The following ZFAT variants were observed in gnomAD, a reference collection of about 807,000 sequenced individuals.
ZFAT encodes the protein zinc finger and AT-hook domain containing.
In ZFAT, 64 loss-of-function variants were observed where a neutral mutation model predicts 117.7. The ratio of observed to expected loss-of-function variants is 0.54; its 90% CI spans 0.44 to 0.67. ZFAT has a LOEUF of 0.67. ZFAT is among the 30% of genes least tolerant of loss of function. ZFAT has a pLI of 0.00. For synonymous variants in ZFAT, 679 were observed against 615.0 expected, an observed-to-expected ratio of 1.10 and a Z score of -1.54; for missense variants, 1,433 against 1,584.5, an observed-to-expected ratio of 0.90 and a Z score of 1.62.
intron 3 of ZFAT, among the ~76,000 whole-genome samples, chr8:134,628,205 G>A (rs1262154873): frequency 6.6e-6 from 1 of 152,204 alleles, no homozygotes; most frequent in Non-Finnish European, 1.5e-5. Context: ...TTCTGCATAT[G>A]CCAGGATCAT....
chr8:134,602,065 G>T lies in ZFAT; in HGVS notation c.1654C>A (p.Pro552Thr). ...ACAGCTGGGGCAGGCATTTCCCCAGGGGCCTCCGGCTCCTTCCGGCCCTCC... is the reference window on the plus strand; with the variant it reads ...ACAGCTGGGGCAGGCATTTCCCCAGTGGCCTCCGGCTCCTTCCGGCCCTCC... ...LEEGRKEPEAPGEMPAPAVHL... is the reference protein window; with the variant it reads ...LEEGRKEPEATGEMPAPAVHL... The change falls in exon 6 of 16, where the codon CCT (proline) becomes ACT (threonine). Residue 552 changes from proline to threonine, a missense_variant. Physicochemically the swap from Pro to Thr is conservative, Grantham distance 38. This residue lies in a region of ZFAT where 372 missense variants were observed against 355.6 expected (regional missense o/e 1.05). Transcript: ENST00000377838. 6.2e-7 allele frequency: 1 copy of T among 1,611,578 alleles called. No homozygotes were observed. The highest frequency in any genetic ancestry group is 1.7e-5 in the Admixed American group (1 of 59,816).
At chr8:134,492,919 C>T (rs1226978674) in intron 15 of ZFAT, among the ~76,000 whole-genome samples, 2 of 152,150 alleles carry the variant, frequency 1.3e-5, no homozygotes, top group Admixed American at 1.3e-4. Context: ...GAAGCCATTC[C>T]ATACATCAAC....
rs369020745 is a variant in ZFAT at position 134,624,182 on chromosome 8, A to G, written c.448+13279T>C. On this transcript the variant is annotated intron_variant, in intron 3 of 15. Transcript: ENST00000377838. ...AACGTGCAGGCACATGTGCACATGCACACACACACACACACACACACACAC... is the reference window on the plus strand; with the variant it reads ...AACGTGCAGGCACATGTGCACATGCGCACACACACACACACACACACACAC... 4.3e-3 allele frequency among the ~76,000 whole-genome samples: 90 copies of G among 20,986 alleles called. 1 individual carries two copies. The South Asian group carries it at 0.11, about 27-fold the overall frequency. The allele number at this position is 20,986 out of a possible 152,430, so 13.8% of individuals were successfully genotyped here.
At chr8:134,799,766 T>C in the ZFAT span, among the ~76,000 whole-genome samples, 3 of 152,148 alleles carry the variant, frequency 2.0e-5, no homozygotes, top group African/African-American at 7.2e-5. Context: ...ATTCAAAGCA[T>C]TTCCATTAAA....
chr8:134,489,432 C>T (rs1817896899), intron 15 of ZFAT, among the ~76,000 whole-genome samples: 1 of 152,126 alleles, frequency 6.6e-6, no homozygotes, highest in Non-Finnish European at 1.5e-5. Context: ...GCCAGTCCGA[C>T]CCTCACAGCT....
At chr8:134,630,120 G>A (rs1442590531) in intron 3 of ZFAT, among the ~76,000 whole-genome samples, 3 of 152,216 alleles carry the variant, frequency 2.0e-5, no homozygotes, top group Non-Finnish European at 2.9e-5. Flanking sequence ...GACATGATAG[G>A]CAGAAGAGGG....
At chr8:134,822,185 G>A in the ZFAT span, among the ~76,000 whole-genome samples, 1 of 152,122 alleles carries the variant, frequency 6.6e-6, no homozygotes, top group East Asian at 1.9e-4. Flanking sequence ...AATATTAAGA[G>A]TTAGTGTTCA....
At chr8:134,596,133 C>T (rs957828932) in intron 7 of ZFAT, among the ~76,000 whole-genome samples, 9 of 152,216 alleles carry the variant, frequency 5.9e-5, no homozygotes, top group Admixed American at 4.6e-4. Flanking sequence ...ATTCTCCTGA[C>T]CTAGCTAGAC....
At chr8:134,735,118 T>A in the ZFAT span, among the ~76,000 whole-genome samples, 5 of 152,224 alleles carry the variant, frequency 3.3e-5, no homozygotes, top group African/African-American at 1.2e-4. Context: ...TGGGCCTTAA[T>A]AATTTTTGTG....
chr8:134,831,934 C>G, the ZFAT span, among the ~76,000 whole-genome samples: 4 of 151,924 alleles, frequency 2.6e-5, 1 homozygote, highest in Non-Finnish European at 1.5e-5. Context: ...GCTGAGCGCC[C>G]GGTGTCCTCT....
At chr8:134,512,260 C>G (rs141018351) in intron 14 of ZFAT, among the ~76,000 whole-genome samples, 2 of 152,194 alleles carry the variant, frequency 1.3e-5, no homozygotes, top group South Asian at 4.1e-4. Flanking sequence ...CGGCCCTGTT[C>G]GAAGGCTTTC....
chr8:134,734,803 C>G, the ZFAT span, among the ~76,000 whole-genome samples: 2 of 152,196 alleles, frequency 1.3e-5, no homozygotes, highest in African/African-American at 2.4e-5. Flanking sequence ...CCGACAGAGA[C>G]TTTTCTAACT....
In ZFAT at chr8:134,633,286, T is replaced by A. The variant is rs183008143; in HGVS notation, c.448+4175A>T. The stretch of plus-strand genomic sequence containing the variant: ...TATGAGAATTAAAAGAGCTATTAGC[T>A]GTAAAACACTGAGAAACAGCAACTG... On this transcript the variant is annotated intron_variant, in intron 3 of 15. Transcript: ENST00000377838. Among the ~76,000 whole-genome samples the A allele has an allele frequency of 1.4e-3, 216 of 152,260 alleles. 1 individual carries two copies. The highest frequency in any genetic ancestry group is 2.3e-3 in the Non-Finnish European group (157 of 68,012).
chr8:134,654,533 A>C (rs190334363), intron 2 of ZFAT, among the ~76,000 whole-genome samples: 1 of 152,224 alleles, frequency 6.6e-6, no homozygotes, highest in East Asian at 1.9e-4. Context: ...CTACAGTACC[A>C]AGAGAAGGGC....
At chr8:134,601,283 C>T (rs1827429342) in intron 6 of ZFAT, among the ~76,000 whole-genome samples, 194 bp downstream of exon 6, 1 of 152,198 alleles carries the variant, frequency 6.6e-6, no homozygotes, top group Admixed American at 6.5e-5. Context: ...GTCAACTGTG[C>T]AGCCATCCCG....
chr8:134,660,090 C>A (rs1267485917), intron 1 of ZFAT, among the ~76,000 whole-genome samples: 1 of 152,156 alleles, frequency 6.6e-6, no homozygotes, highest in Admixed American at 6.5e-5. Flanking sequence ...ATACATTTTT[C>A]TTTATAGGAG....
At position 134,566,161 on chromosome 8, in the gene ZFAT, G is replaced by A. The variant is rs547205988; in HGVS notation, c.2888-740C>T. Among the ~76,000 whole-genome samples the A allele has an allele frequency of 4.6e-5, 7 of 152,232 alleles. No homozygotes were observed. In the South Asian group the frequency reaches 6.2e-4, roughly 14 times the overall value. On this transcript the variant is annotated intron_variant, in intron 10 of 15. Transcript: ENST00000377838. ...TGTAATCCCAGCACTTTGGGAGGCC[G>A]AGATGGGCAGATCACGAGGTCAGGA...
chr8:134,798,138 A>C, the ZFAT span: 4 of 152,152 alleles, frequency 2.6e-5, no homozygotes, highest in African/African-American at 9.6e-5. Context: ...TCCTATTGGA[A>C]ATCGATGACA....
At chr8:134,615,421 G>A (rs1310540033) in intron 3 of ZFAT, among the ~76,000 whole-genome samples, 2 of 151,970 alleles carry the variant, frequency 1.3e-5, no homozygotes, top group Non-Finnish European at 2.9e-5. Flanking sequence ...ACTCCTGACC[G>A]CAAGTGATCC....
Sources: gnomAD v4.1 joint callset for allele counts (sites outside exome capture counted in the v4.1 genomes callset) on GRCh38, gnomAD v4.1.1 for gene constraint, gnomAD v4.1.1 regional missense constraint, MANE v1.5 for transcripts, NCBI Gene and HGNC (gene_info 2026-07-23, HGNC 2026-07-21) for gene names.